ST6GALNAC5: variants seen among roughly 807,000 people sequenced by gnomAD.
ST6GALNAC5 encodes the protein alpha-N-acetylgalactosaminide alpha-2,6-sialyltransferase 5.
A neutral mutation model predicts 33.6 loss-of-function variants in ST6GALNAC5; 27 were observed. The ratio of observed to expected loss-of-function variants is 0.80; its 90% confidence interval spans 0.59 to 1.11. ST6GALNAC5 has a LOEUF of 1.11. Ranked by LOEUF, ST6GALNAC5 falls within the 50% of genes least tolerant of loss-of-function variation. The pLI, the probability that ST6GALNAC5 is intolerant of heterozygous loss-of-function variation, is 0.00. For synonymous variants in ST6GALNAC5, 194 were observed against 171.2 expected, an observed-to-expected ratio of 1.13 and a Z score of -1.04; for missense variants, 428 against 454.0, an observed-to-expected ratio of 0.94 and a Z score of 0.52.
chr1:76,898,210 A>G (rs1646774459), intron 2 of ST6GALNAC5, among the ~76,000 whole-genome samples: 1 of 152,180 alleles, frequency 6.6e-6, no homozygotes. Flanking sequence ...TCCTCGGCCC[A>G]GTGGCCAGAT....
rs1305025613 is a variant in ST6GALNAC5, at chr1:77,064,441, G to T, written c.*1235G>T. Reference sequence around the variant, plus strand: ...TACACACACACACACACACACAAAAGACATAGCTCCAAGGGGTTCCCTGGC... The same window carrying T: ...TACACACACACACACACACACAAAATACATAGCTCCAAGGGGTTCCCTGGC... On this transcript the variant is annotated 3_prime_UTR_variant, in exon 5 of 5. Transcript: ENST00000477717. 1.3e-5 allele frequency: 2 copies of T among 150,948 alleles called. No homozygotes were observed. The highest frequency in any genetic ancestry group is 4.9e-5 in the African/African-American group (2 of 40,914). 9.4% of individuals were successfully genotyped at this position (150,948 alleles called of 1,614,324 possible).
At chr1:76,910,157 T>A (rs895222215) in intron 2 of ST6GALNAC5, among the ~76,000 whole-genome samples, 3 of 152,058 alleles carry the variant, frequency 2.0e-5, no homozygotes, top group Non-Finnish European at 2.9e-5. Context: ...TCTGATAGAG[T>A]TCATCTTAAA....
chr1:77,050,435 T>C, intron 4 of ST6GALNAC5, 70 bp downstream of exon 4: 3 of 1,430,628 alleles, frequency 2.1e-6, no homozygotes, highest in Non-Finnish European at 2.9e-6. Context: ...TGATTCTGAA[T>C]ATCAACCATG....
At chr1:76,971,430 A>G (rs1648755593) in intron 2 of ST6GALNAC5, among the ~76,000 whole-genome samples, 1 of 152,168 alleles carries the variant, frequency 6.6e-6, no homozygotes, top group African/African-American at 2.4e-5. Context: ...AGAAACCACT[A>G]AATATTTGCT....
chr1:77,056,977 C>T (rs184474867), intron 4 of ST6GALNAC5, among the ~76,000 whole-genome samples: 9 of 152,324 alleles, frequency 5.9e-5, no homozygotes, highest in African/African-American at 2.2e-4. Context: ...TTGGGAAGGA[C>T]TGCTGCAGGA....
intron 2 of ST6GALNAC5, among the ~76,000 whole-genome samples, chr1:77,014,864 A>G (rs1192610593): frequency 6.6e-6 from 1 of 152,222 alleles, no homozygotes; most frequent in Non-Finnish European, 1.5e-5. Flanking sequence ...TGCAAAGTGG[A>G]AAGAGTAGGA....
intron 2 of ST6GALNAC5, among the ~76,000 whole-genome samples, chr1:76,968,973 T>C (rs1648620308): frequency 6.6e-6 from 1 of 152,220 alleles, no homozygotes; most frequent in Non-Finnish European, 1.5e-5. Context: ...GGTCTTCCCT[T>C]TGTGCGTTAC....
At chr1:77,039,884 G>T (rs1193920474) in intron 2 of ST6GALNAC5, among the ~76,000 whole-genome samples, 1 of 152,212 alleles carries the variant, frequency 6.6e-6, no homozygotes, top group Non-Finnish European at 1.5e-5. Context: ...CATCTCCCAG[G>T]CCGACGGGCA....
At chr1:77,033,754 G>A (rs1043061805) in intron 2 of ST6GALNAC5, among the ~76,000 whole-genome samples, 2 of 152,178 alleles carry the variant, frequency 1.3e-5, no homozygotes, top group African/African-American at 4.8e-5. Context: ...AATGCTTACT[G>A]TTTCCCAGGA....
At chr1:76,867,826 C>A in intron 1 of ST6GALNAC5, 136 bp downstream of exon 1, 1 of 1,271,060 alleles carries the variant, frequency 7.9e-7, no homozygotes, top group Non-Finnish European at 1.1e-6. Flanking sequence ...CAACTTTCTA[C>A]CCGCTCCGCG....
At chr1:77,020,921 G>T (rs1651029262) in intron 2 of ST6GALNAC5, among the ~76,000 whole-genome samples, 1 of 152,178 alleles carries the variant, frequency 6.6e-6, no homozygotes, top group African/African-American at 2.4e-5. Flanking sequence ...TCCTCTTGTT[G>T]TTACCCGGGG....
At chr1:76,900,179 C>T (rs1318881314) in intron 2 of ST6GALNAC5, among the ~76,000 whole-genome samples, 3 of 152,084 alleles carry the variant, frequency 2.0e-5, no homozygotes, top group South Asian at 4.2e-4. Context: ...GAGTGGAGGT[C>T]ACAAGGTGCT....
chr1:76,884,819 A>G (rs1418990412), intron 2 of ST6GALNAC5, among the ~76,000 whole-genome samples: 1 of 152,216 alleles, frequency 6.6e-6, no homozygotes, highest in Non-Finnish European at 1.5e-5. Flanking sequence ...ATAAAAGAAC[A>G]TCAATGGGCA....
chr1:76,908,422 C>T (rs1646883889), intron 2 of ST6GALNAC5, among the ~76,000 whole-genome samples: 1 of 152,108 alleles, frequency 6.6e-6, no homozygotes, highest in African/African-American at 2.4e-5. Context: ...GCCATTACAA[C>T]CCAATCACCT....
At chr1:76,962,143 C>G (rs1648263555) in intron 2 of ST6GALNAC5, among the ~76,000 whole-genome samples, 1 of 152,034 alleles carries the variant, frequency 6.6e-6, no homozygotes. Context: ...GCTGATACAA[C>G]TGAATATATA....
intron 2 of ST6GALNAC5, among the ~76,000 whole-genome samples, chr1:77,006,566 G>T (rs1570088090): frequency 1.3e-5 from 2 of 151,972 alleles, no homozygotes; most frequent in African/African-American, 4.8e-5. Context: ...CAAGCAGTTT[G>T]CCCACCTCAA....
chr1:76,960,873 T>A (rs1648206039), intron 2 of ST6GALNAC5, among the ~76,000 whole-genome samples: 1 of 152,154 alleles, frequency 6.6e-6, no homozygotes, highest in Non-Finnish European at 1.5e-5. Flanking sequence ...TTTCATATTG[T>A]TCAAACACGC....
At position 76,867,481 on chromosome 1, in the gene ST6GALNAC5, G is replaced by T. The variant is rs1653364485; in HGVS notation, c.-195G>T. The T allele has an allele frequency of 1.2e-6, 1 of 800,024 alleles. No homozygotes were observed. Among genetic ancestry groups the T allele is most frequent in the East Asian group, 2.6e-5 (1 of 38,476 alleles). 49.6% of individuals were successfully genotyped at this position (800,024 alleles called of 1,614,324 possible). A position where few individuals can be genotyped will look rare whatever the true frequency, so the allele number is the denominator to read the frequency against. On this transcript the variant is annotated 5_prime_UTR_variant, in exon 1 of 5. Coordinates refer to ENST00000477717, the MANE Select transcript of ST6GALNAC5 (RefSeq NM_030965.3). ...TGAGAGACTACGAGGGTCCGGTTCA[G>T]TTTTAATTCTGTCTCTAATCTCTGC...
chr1:76,918,616 CAAAAAAAAAA>C (rs5775368), intron 2 of ST6GALNAC5, among the ~76,000 whole-genome samples: 2 of 76,582 alleles, frequency 2.6e-5, no homozygotes, highest in South Asian at 1.1e-3. Context: ...GACTCCATCT[CAAAAAAAAAA>C]AAAAAAAAAA....
Sources: gnomAD v4.1 joint callset for allele counts (sites outside exome capture counted in the v4.1 genomes callset) on GRCh38, gnomAD v4.1.1 for gene constraint, MANE v1.5 for transcripts, NCBI Gene and HGNC (gene_info 2026-07-23, HGNC 2026-07-21) for gene names.